CDK14: variants seen among roughly 807,000 people sequenced by gnomAD.
The protein encoded by CDK14 is cyclin dependent kinase 14, also known as cyclin-dependent kinase 14.
CDK14 carries 34 observed loss-of-function variants against 60.7 expected under a neutral mutation model. The observed-to-expected ratio is 0.56, with a 90% confidence interval of 0.43 to 0.75. CDK14 has a LOEUF of 0.75. Ranked by LOEUF, CDK14 falls within the 30% of genes least tolerant of loss-of-function variation. The pLI, the probability that CDK14 is intolerant of heterozygous loss-of-function variation, is 0.00. For synonymous variants in CDK14, 197 were observed against 203.7 expected, an observed-to-expected ratio of 0.97 and a Z score of 0.28; for missense variants, 482 against 564.1, an observed-to-expected ratio of 0.85 and a Z score of 1.47.
At chr7:90,667,763 G>A (rs571105705) in intron 2 of CDK14, among the ~76,000 whole-genome samples, 24 of 152,120 alleles carry the variant, frequency 1.6e-4, no homozygotes, top group African/African-American at 5.5e-4. Flanking sequence ...TGGAGACGGG[G>A]TTTCACCGTG....
chr7:90,714,796 C>G (rs559502454), intron 2 of CDK14, among the ~76,000 whole-genome samples: 22 of 152,136 alleles, frequency 1.4e-4, no homozygotes, highest in African/African-American at 5.1e-4. Context: ...TAACATCATT[C>G]TTGACATCAA....
intron 8 of CDK14, among the ~76,000 whole-genome samples, chr7:90,938,574 A>T (rs796337050): frequency 6.6e-6 from 1 of 152,240 alleles, no homozygotes; most frequent in African/African-American, 2.4e-5. Context: ...GAAGTCAATA[A>T]TTTTTTTTAA....
intron 4 of CDK14, among the ~76,000 whole-genome samples, chr7:90,755,793 T>C (rs2116840535): frequency 6.6e-6 from 1 of 152,328 alleles, no homozygotes; most frequent in East Asian, 1.9e-4. Flanking sequence ...GTGCCCCATA[T>C]TTTAATTTTC....
At chr7:90,701,345 C>G (rs1441395811) in intron 2 of CDK14, among the ~76,000 whole-genome samples, 1 of 152,184 alleles carries the variant, frequency 6.6e-6, no homozygotes, top group Admixed American at 6.5e-5. Flanking sequence ...TCAAAGCATT[C>G]AGGCTTCCTG....
At chr7:91,106,970 C>T (rs1799322034) in intron 12 of CDK14, among the ~76,000 whole-genome samples, 1 of 152,192 alleles carries the variant, frequency 6.6e-6, no homozygotes, top group African/African-American at 2.4e-5. Context: ...TTCTACCAAG[C>T]AGCTCCATGA....
At chr7:90,931,805 G>T (rs1367559776) in intron 8 of CDK14, among the ~76,000 whole-genome samples, 2 of 151,376 alleles carry the variant, frequency 1.3e-5, no homozygotes, top group Non-Finnish European at 2.9e-5. Context: ...TGTGTGTTTT[G>T]GTGAGAAGTT....
intron 3 of CDK14, among the ~76,000 whole-genome samples, chr7:90,735,763 C>T (rs912283431): frequency 6.6e-6 from 1 of 152,190 alleles, no homozygotes; most frequent in Non-Finnish European, 1.5e-5. Context: ...TGCTGGGCAC[C>T]GTGGAGGTGG....
intron 6 of CDK14, among the ~76,000 whole-genome samples, chr7:90,870,062 A>G (rs1308061950): frequency 2.6e-5 from 4 of 152,174 alleles, no homozygotes; most frequent in Admixed American, 6.5e-5. Flanking sequence ...CATTTTGGCT[A>G]TTCTAATGGC....
intron 5 of CDK14, among the ~76,000 whole-genome samples, chr7:90,800,599 T>C (rs1788601567): frequency 6.6e-6 from 1 of 152,234 alleles, no homozygotes; most frequent in Non-Finnish European, 1.5e-5. Flanking sequence ...TTTTTCCTTG[T>C]AACTGTATGG....
chr7:90,796,491 G>C (rs1012835251), intron 5 of CDK14, among the ~76,000 whole-genome samples: 1 of 152,108 alleles, frequency 6.6e-6, no homozygotes, highest in African/African-American at 2.4e-5. Context: ...TGATTGCATG[G>C]AGAATTGCTT....
intron 12 of CDK14, among the ~76,000 whole-genome samples, chr7:91,111,591 C>T (rs966059469): frequency 6.6e-6 from 1 of 152,166 alleles, no homozygotes; most frequent in Non-Finnish European, 1.5e-5. Context: ...CAACTTGCTA[C>T]CCAAGTGATC....
chr7:90,960,457 T>C (rs1317384752), intron 9 of CDK14, among the ~76,000 whole-genome samples: 1 of 152,198 alleles, frequency 6.6e-6, no homozygotes, highest in Non-Finnish European at 1.5e-5. Flanking sequence ...TGAGATTGCA[T>C]ATTAAATCAT....
At chr7:90,622,725 T>A (rs1341706955) in intron 2 of CDK14, among the ~76,000 whole-genome samples, 2 of 147,584 alleles carry the variant, frequency 1.4e-5, no homozygotes, top group South Asian at 2.2e-4. Flanking sequence ...TTCCAAAACA[T>A]CCTAAGCGAA....
chr7:91,050,032 A>T lies in CDK14; in HGVS notation c.1105+4072A>T, dbSNP rs527873836. On this transcript the variant is annotated intron_variant, in intron 11 of 14. Coordinates refer to ENST00000380050, the MANE Select transcript of CDK14 (RefSeq NM_001287135.2). ...AAGAATATGAGAGACAGAGCCAAGA[A>T]GATATTTGAGGGAAGAACTCTTCAG... Among the ~76,000 whole-genome samples, 306 of 152,300 alleles carry T rather than the reference A, an allele frequency of 2.0e-3. 1 individual carries two copies. The highest frequency in any genetic ancestry group is 7.0e-3 in the African/African-American group (289 of 41,562).
chr7:90,860,253 T>C (rs988771135), intron 5 of CDK14, among the ~76,000 whole-genome samples: 1 of 152,002 alleles, frequency 6.6e-6, no homozygotes, highest in Non-Finnish European at 1.5e-5. Flanking sequence ...TCTTTCACAG[T>C]TCTTTTATTC....
At chr7:90,744,264 T>C (rs1012955599) in intron 3 of CDK14, among the ~76,000 whole-genome samples, 15 of 151,230 alleles carry the variant, frequency 9.9e-5, no homozygotes, top group African/African-American at 2.2e-4. Flanking sequence ...CATCTTGCAC[T>C]GCCCTTAATC....
intron 11 of CDK14, among the ~76,000 whole-genome samples, chr7:91,069,693 C>G (rs994874744): frequency 6.6e-6 from 1 of 152,190 alleles, no homozygotes; most frequent in Non-Finnish European, 1.5e-5. Context: ...TATGTGAATG[C>G]TGTCTAAATA....
intron 13 of CDK14, among the ~76,000 whole-genome samples, chr7:91,113,247 C>T (rs1799520825): frequency 6.6e-6 from 1 of 152,210 alleles, no homozygotes. Context: ...TTGGCTAATG[C>T]ACTGAATTGA....
rs1283113564 is a variant in CDK14 at position 90,917,906 on chromosome 7, GT to G, written c.826+186del. ...AGCATAAAATATAATGCTTTGTGGA[GT>G]TTTATAAAATTCAGACTGCTTGTTA... is the stretch of plus-strand genomic sequence containing the variant. On this transcript the variant is annotated intron_variant, in intron 8 of 14. Coordinates refer to ENST00000380050, the MANE Select transcript of CDK14 (RefSeq NM_001287135.2). Among the ~76,000 whole-genome samples, 27 of 151,640 alleles carry G rather than the reference GT, an allele frequency of 1.8e-4. 1 individual carries two copies. Among genetic ancestry groups the G allele is most frequent in the Admixed American group, 1.8e-3 (27 of 15,228 alleles).
Sources: allele counts gnomAD v4.1 joint callset (sites outside exome capture counted in the v4.1 genomes callset), GRCh38; gene constraint gnomAD v4.1.1; transcripts MANE v1.5; gene names NCBI Gene and HGNC (gene_info 2026-07-23, HGNC 2026-07-21).